The following ATP8A2 variants were observed in gnomAD, a reference collection of about 807,000 sequenced individuals.
ATP8A2 encodes the protein phospholipid-transporting ATPase IB.
A neutral mutation model predicts 165.6 loss-of-function variants in ATP8A2; 100 were observed. The ratio of observed to expected loss-of-function variants is 0.60; its 90% CI spans 0.51 to 0.71. The LOEUF (loss-of-function observed/expected upper bound fraction) is 0.71. Among genes scored for constraint, ATP8A2 ranks in the 30% least tolerant of loss-of-function variants. The pLI is 0.00. For synonymous variants in ATP8A2, 543 were observed against 548.8 expected (o/e 0.99, Z 0.15); for missense variants, 1,227 against 1,479.5 (o/e 0.83, Z 2.80).
At chr13:26,000,018 A>T (rs890756178) in intron 35 of ATP8A2, among the ~76,000 whole-genome samples, 9 of 152,344 alleles carry the variant, frequency 5.9e-5, no homozygotes, top group African/African-American at 9.6e-5. Context: ...TCTGGAATAC[A>T]CTTGAGCCCC....
chr13:25,758,874 T>G (rs1315667802), intron 25 of ATP8A2, among the ~76,000 whole-genome samples: 2 of 152,236 alleles, frequency 1.3e-5, no homozygotes, highest in East Asian at 3.8e-4. Flanking sequence ...AGTGGCTTGT[T>G]AAACAGTCTT....
rs562596421 is a variant in ATP8A2, at chr13:25,517,220, G to A, written c.222-12779G>A. On this transcript the variant is annotated intron_variant, in intron 2 of 36. Transcript: ENST00000381655. The stretch of plus-strand genomic sequence containing the variant: ...CACACACATTCATGAAGTGTTCTAT[G>A]TTTTTAAAGTTAAAAAAAAAAGAAA... 2.9e-4 allele frequency: 44 copies of A among 149,614 alleles called. No individual in the cohort carries two copies. The East Asian group carries it at 8.5e-3, about 29-fold the overall frequency. 9.3% of individuals were successfully genotyped at this position (149,614 alleles called of 1,614,324 possible). A position where few individuals can be genotyped will look rare whatever the true frequency, so the allele number is the denominator to read the frequency against.
chr13:25,686,431 C>T (rs976901718), intron 24 of ATP8A2, among the ~76,000 whole-genome samples: 4 of 152,076 alleles, frequency 2.6e-5, no homozygotes, highest in Non-Finnish European at 5.9e-5. Flanking sequence ...GCTGTACATG[C>T]TCAGTGACAG....
intron 24 of ATP8A2, among the ~76,000 whole-genome samples, chr13:25,592,237 A>G (rs990213753): frequency 1.3e-5 from 2 of 150,904 alleles, no homozygotes; most frequent in Admixed American, 1.3e-4. Context: ...CATAATTTGT[A>G]TTTTTTCTAC....
chr13:25,630,095 A>C (rs984725821), intron 24 of ATP8A2, among the ~76,000 whole-genome samples: 1 of 151,446 alleles, frequency 6.6e-6, no homozygotes, highest in South Asian at 2.1e-4. Flanking sequence ...CCCACCACCA[A>C]ACAGGGAACT....
intron 23 of ATP8A2, among the ~76,000 whole-genome samples, 181 bp downstream of exon 23, chr13:25,582,138 A>C (rs570223282): frequency 6.6e-6 from 1 of 152,354 alleles, no homozygotes; most frequent in South Asian, 2.1e-4. Flanking sequence ...GCCTGTTACA[A>C]ACATTAAAAC....
intron 13 of ATP8A2, among the ~76,000 whole-genome samples, chr13:25,557,721 A>G (rs1200316163): frequency 2.0e-5 from 3 of 152,120 alleles, no homozygotes; most frequent in African/African-American, 4.8e-5. Context: ...GGACCTGAAT[A>G]ATTTAAGGAT....
chr13:25,837,325 G>A (rs1395492846), intron 29 of ATP8A2, 40 bp downstream of exon 29: 2 of 1,607,362 alleles, frequency 1.2e-6, no homozygotes, highest in Admixed American at 3.4e-5. Context: ...CCTCAGAAAG[G>A]CGTGGCTGTT....
intron 20 of ATP8A2, 97 bp from the exon 21 acceptor site, chr13:25,578,718 A>T: frequency 1.3e-6 from 1 of 771,792 alleles, no homozygotes; most frequent in Admixed American, 2.0e-5. Context: ...GGGTATTCTC[A>T]TGCATGTTAG....
intron 2 of ATP8A2, among the ~76,000 whole-genome samples, chr13:25,509,608 C>G (rs180711313): frequency 3.9e-5 from 6 of 152,124 alleles, no homozygotes; most frequent in Non-Finnish European, 8.8e-5. Flanking sequence ...GTAAACTTCA[C>G]TTCTGTGCCC....
At chr13:25,928,010 A>G (rs1199403014) in intron 33 of ATP8A2, among the ~76,000 whole-genome samples, 1 of 152,228 alleles carries the variant, frequency 6.6e-6, no homozygotes, top group African/African-American at 2.4e-5. Flanking sequence ...AATATTCATG[A>G]AGGTTGAAAA....
intron 27 of ATP8A2, among the ~76,000 whole-genome samples, chr13:25,778,946 T>G (rs2044806186): frequency 6.6e-6 from 1 of 152,168 alleles, no homozygotes; most frequent in Admixed American, 6.5e-5. Flanking sequence ...CTGTCTCCCA[T>G]AGACGGTGAC....
In ATP8A2 at chr13:25,537,826, C is replaced by G. The variant is rs114057147; in HGVS notation, c.508-162C>G. Reference sequence around the variant, plus strand: ...ACCAGTGTCTGCATGGAAGCACTTTCCTTTTGTTCTTGTCAAGGAAAATAA... The same window carrying G: ...ACCAGTGTCTGCATGGAAGCACTTTGCTTTTGTTCTTGTCAAGGAAAATAA... On this transcript the variant is annotated intron_variant, in intron 6 of 36. Coordinates refer to ENST00000381655, the MANE Select transcript of ATP8A2 (RefSeq NM_016529.6). Among the ~76,000 whole-genome samples, 451 of 152,310 alleles carry G rather than the reference C, an allele frequency of 3.0e-3. 1 individual carries two copies. The highest frequency in any genetic ancestry group is 0.01 in the African/African-American group (434 of 41,570).
intron 27 of ATP8A2, among the ~76,000 whole-genome samples, chr13:25,808,931 A>G (rs1337795238): frequency 1.3e-5 from 2 of 152,184 alleles, no homozygotes; most frequent in South Asian, 4.1e-4. Context: ...CACAGAGCTG[A>G]AAGAGAACTA....
chr13:25,837,414 ACCC>A (rs1951640814), intron 29 of ATP8A2, 129 bp downstream of exon 29: 2 of 773,578 alleles, frequency 2.6e-6, no homozygotes, highest in Admixed American at 2.5e-5. Context: ...TGATCCACTC[ACCC>A]CACCACCACA....
At chr13:25,717,417 C>CGAAAAAAA (rs2043277766) in intron 25 of ATP8A2, among the ~76,000 whole-genome samples, 1 of 82,650 alleles carries the variant, frequency 1.2e-5, no homozygotes, top group African/African-American at 8.7e-5. Context: ...CCTGAAAAAA[C>CGAAAAAAA]TAAAAAAAAA....
chr13:26,013,133 C>T (rs996636178), intron 36 of ATP8A2, among the ~76,000 whole-genome samples: 2 of 151,720 alleles, frequency 1.3e-5, no homozygotes, highest in Non-Finnish European at 2.9e-5. Flanking sequence ...CCACTGCCCC[C>T]GACTTTGGAG....
chr13:25,767,765 C>T (rs553927505), intron 25 of ATP8A2, among the ~76,000 whole-genome samples: 3 of 152,200 alleles, frequency 2.0e-5, no homozygotes, highest in African/African-American at 7.2e-5. Flanking sequence ...GTTTTTCTAA[C>T]TTTCTAATTT....
At chr13:25,474,305 T>C (rs570927531) in intron 2 of ATP8A2, among the ~76,000 whole-genome samples, 3 of 152,222 alleles carry the variant, frequency 2.0e-5, no homozygotes, top group Admixed American at 1.3e-4. Flanking sequence ...CTCGCGCCTA[T>C]AATCCCAGCA....
Sources: gnomAD v4.1 joint callset for allele counts (sites outside exome capture counted in the v4.1 genomes callset) on GRCh38, gnomAD v4.1.1 for gene constraint, MANE v1.5 for transcripts, NCBI Gene and HGNC (gene_info 2026-07-23, HGNC 2026-07-21) for gene names.